Variants in CERK observed in about 807,000 individuals in gnomAD.
CERK encodes acylsphingosine kinase.
Under a neutral mutation model 63.4 loss-of-function variants are expected in CERK, and 39 were observed. The observed-to-expected ratio is 0.61, with a 90% CI of 0.48 to 0.80. CERK has a LOEUF of 0.80. Among genes scored for constraint, CERK ranks in the 30% least tolerant of loss-of-function variants. The pLI is 0.00. For synonymous variants in CERK, 302 were observed against 280.0 expected, an observed-to-expected ratio of 1.08 and a Z score of -0.78; for missense variants, 670 against 714.1, an observed-to-expected ratio of 0.94 and a Z score of 0.70.
chr22:46,701,968 G>A (rs2082786962), intron 6 of CERK, among the ~76,000 whole-genome samples: 1 of 152,140 alleles, frequency 6.6e-6, no homozygotes, highest in African/African-American at 2.4e-5. Context: ...ATGACTTGAG[G>A]TCAGGAGTTC....
At chr22:46,698,446 T>A (rs2082767106) in intron 8 of CERK, among the ~76,000 whole-genome samples, 1 of 152,216 alleles carries the variant, frequency 6.6e-6, no homozygotes, top group African/African-American at 2.4e-5. Context: ...AGCTACGGTG[T>A]AACCCCAACA....
At chr22:46,716,943 A>AG (rs1268757615) in intron 3 of CERK, among the ~76,000 whole-genome samples, 2 of 114,408 alleles carry the variant, frequency 1.7e-5, no homozygotes. Flanking sequence ...CCCCCACCAA[A>AG]AAAAAAAGAA....
At position 46,720,133 on chromosome 22, in the gene CERK, A is replaced by AGCT; in HGVS notation, c.329_331dup (p.Gln110dup). The AGCT allele has an allele frequency of 5.0e-6, 8 of 1,614,136 alleles. No homozygotes were observed. The highest frequency in any genetic ancestry group is 6.8e-6 in the Non-Finnish European group (8 of 1,180,028). On this transcript the variant is annotated inframe_insertion, in exon 3 of 13. Coordinates refer to ENST00000216264, the MANE Select transcript of CERK (RefSeq NM_022766.6). The stretch of plus-strand genomic sequence containing the variant: ...CAGGGTCTGCAGCCACAAGTGACAC[A>AGCT]GCTGCTCCTCTGGACACCAGAAAGT...
rs537338907 is a variant in CERK, at chr22:46,710,366, C to T, written c.569+720G>A. 9.5e-4 allele frequency among the ~76,000 whole-genome samples: 143 copies of T among 150,030 alleles called. No individual in the cohort carries two copies. In the Middle Eastern group the frequency reaches 0.01, roughly 11 times the overall value. ...GGAGAATCATTTGGACTTGGGAGGC[C>T]GAAGCTGCCGAGGTCACGCCATTGC... On this transcript the variant is annotated intron_variant, in intron 5 of 12. Transcript: ENST00000216264.
chr22:46,690,248 C>A (rs767700310), intron 11 of CERK, 48 bp from the exon 12 acceptor site: 4 of 1,542,416 alleles, frequency 2.6e-6, no homozygotes, highest in Non-Finnish European at 2.7e-6. Flanking sequence ...ACGTCATCGT[C>A]TGGGTGGGGC....
intron 1 of CERK, among the ~76,000 whole-genome samples, chr22:46,732,049 C>A (rs2082947796): frequency 6.6e-6 from 1 of 152,150 alleles, no homozygotes; most frequent in Admixed American, 6.5e-5. Context: ...CTGACCCAGT[C>A]TGTGGCAAAA....
intron 1 of CERK, among the ~76,000 whole-genome samples, chr22:46,734,817 T>C (rs1401101122): frequency 6.6e-6 from 1 of 152,238 alleles, no homozygotes; most frequent in Non-Finnish European, 1.5e-5. Flanking sequence ...TGTGTATGCT[T>C]TTCTGTGTTT....
intron 5 of CERK, among the ~76,000 whole-genome samples, chr22:46,710,154 C>T (rs1003047327): frequency 2.6e-5 from 4 of 152,164 alleles, no homozygotes; most frequent in African/African-American, 4.8e-5. Context: ...ACTGGCCGGG[C>T]GCGGTGGCTC....
At chr22:46,719,714 C>T (rs1404491670) in intron 3 of CERK, among the ~76,000 whole-genome samples, 1 of 152,124 alleles carries the variant, frequency 6.6e-6, no homozygotes, top group Non-Finnish European at 1.5e-5. Flanking sequence ...TGGACGCATC[C>T]CAGACAGATG....
rs9306515 is a variant in CERK, at chr22:46,707,926, G to A, written c.632C>T (p.Thr211Met). The A allele has an allele frequency of 2.4e-3, 3,943 of 1,613,812 alleles. 82 individuals are homozygous for A. The African/African-American group carries it at 0.047, about 19-fold the overall frequency. Residue 211 changes from threonine to methionine, a missense_variant, in exon 6 of 13, where the codon ACG becomes ATG. Coordinates refer to ENST00000216264, the MANE Select transcript of CERK (RefSeq NM_022766.6). The part of the protein sequence containing the change: ...SEVLHGLIGR[T>M]QRSAGVDQNH... ...CTGGTCGACCCCGGCGCTCCTCTGC[G>A]TCCTCCCAATCAGACCGTGCAGCAC...
chr22:46,722,873 G>T (rs1366623749), intron 1 of CERK, among the ~76,000 whole-genome samples: 4 of 152,222 alleles, frequency 2.6e-5, no homozygotes, highest in Non-Finnish European at 5.9e-5. Context: ...AGGTGGTGGG[G>T]ACAGCCTCAC....
At chr22:46,698,330 G>A (rs908845349) in intron 8 of CERK, among the ~76,000 whole-genome samples, 4 of 152,374 alleles carry the variant, frequency 2.6e-5, no homozygotes, top group African/African-American at 9.6e-5. Flanking sequence ...AGGAAGGCAG[G>A]ATCTTGCCTG....
chr22:46,701,643 G>T lies in CERK; in HGVS notation c.783C>A (p.Ile261=), dbSNP rs1292665714. The change falls in exon 7 of 13, where the codon ATC becomes ATA. Residue 261 remains isoleucine, a synonymous_variant. Transcript: ENST00000216264. ...TSDAETSALH[I]VVGDSLAMDV... ...CGCAGAGGAGGGGCTCACCAACAAC[G>T]ATATGCAGCGCCGAGGTTTCTGCGT... 11 of 1,557,216 alleles carry T rather than the reference G, an allele frequency of 7.1e-6. No individual in the cohort carries two copies. The highest frequency in any genetic ancestry group is 4.1e-5 in the African/African-American group (3 of 73,248).
In CERK at chr22:46,699,260, A is replaced by C. The variant is rs2082771211; in HGVS notation, c.943+53T>G. 1.9e-6 allele frequency: 3 copies of C among 1,582,046 alleles called. No individual in the cohort carries two copies. The Admixed American group carries it at 5.1e-5, about 27-fold the overall frequency. On this transcript the variant is annotated intron_variant, in intron 8 of 12. Coordinates refer to ENST00000216264, the MANE Select transcript of CERK (RefSeq NM_022766.6). Reference sequence around the variant, plus strand: ...TGGATTCAGTCAGGTAACATCTGTGAAGGCAGTCGGGGCACGACCAGCGGG... The same window carrying C: ...TGGATTCAGTCAGGTAACATCTGTGCAGGCAGTCGGGGCACGACCAGCGGG...
intron 7 of CERK, among the ~76,000 whole-genome samples, chr22:46,699,859 C>T (rs1054111819): frequency 5.9e-5 from 9 of 152,168 alleles, no homozygotes; most frequent in South Asian, 2.1e-4. Flanking sequence ...GAGGCCGAGG[C>T]GGGCAGATCA....
rs149446167 is a variant in CERK, at chr22:46,720,958, C to T, written c.200G>A (p.Gly67Glu). 3.4e-5 allele frequency: 55 copies of T among 1,613,744 alleles called. No individual in the cohort carries two copies. In the African/African-American group the frequency reaches 6.0e-4, roughly 18 times the overall value. Residue 67 changes from glycine to glutamate, a missense_variant, in exon 2 of 13, where the codon GGG (glycine) becomes GAG (glutamate). Physicochemically the swap from Gly to Glu is moderately conservative, Grantham distance 98 (BLOSUM62 -2). Coordinates refer to ENST00000216264, the MANE Select transcript of CERK (RefSeq NM_022766.6). ...CCATTTTCCACTGCCTTGATGTTTC[C>T]CGTGAACGTCTGTTTCCTCAACGGC... ...IIAVEETDVH[G>E]KHQGSGKWQK...
intron 3 of CERK, among the ~76,000 whole-genome samples, chr22:46,718,904 T>A (rs1327050267): frequency 6.6e-6 from 1 of 151,864 alleles, no homozygotes; most frequent in Non-Finnish European, 1.5e-5. Context: ...CAAAACCCTG[T>A]CTGTACAAAA....
intron 2 of CERK, 92 bp downstream of exon 2, chr22:46,720,810 G>A (rs1370293250): frequency 7.7e-6 from 6 of 782,952 alleles, no homozygotes; most frequent in African/African-American, 6.9e-5. Flanking sequence ...CCAATGCATT[G>A]AGCTTGTTAA....
rs1601725750 is a variant in CERK at position 46,721,178 on chromosome 22, T to A, written c.143-163A>T. ...CTGTAATCCCAGCACTTTGGGAGGCTGAGGAGGGAGGATCGCTTGAGCTCA... is the reference window on the plus strand; with the variant it reads ...CTGTAATCCCAGCACTTTGGGAGGCAGAGGAGGGAGGATCGCTTGAGCTCA... On this transcript the variant is annotated intron_variant, in intron 1 of 12. Transcript: ENST00000216264. Among the ~76,000 whole-genome samples, 3 of 152,198 alleles carry A rather than the reference T, an allele frequency of 2.0e-5. No homozygotes were observed. In the South Asian group the frequency reaches 6.2e-4, roughly 32 times the overall value.
Sources: gnomAD v4.1 joint callset for allele counts (sites outside exome capture counted in the v4.1 genomes callset) on GRCh38, gnomAD v4.1.1 for gene constraint, MANE v1.5 for transcripts, NCBI Gene and HGNC (gene_info 2026-07-23, HGNC 2026-07-21) for gene names.